The following GNAZ variants were observed in gnomAD, a reference collection of about 807,000 sequenced individuals.
GNAZ encodes G protein subunit alpha z.
GNAZ carries 3 observed loss-of-function variants against 25.4 expected under a neutral mutation model. The observed-to-expected ratio is 0.12, with a 90% CI of 0.05 to 0.30. The LOEUF (loss-of-function observed/expected upper bound fraction) is 0.30, where lower values mean the gene tolerates loss of function less well. GNAZ is among the 10% of genes least tolerant of loss of function. The pLI is 1.00. For missense variants in GNAZ, 241 were observed against 501.8 expected (o/e 0.48, Z 4.97); for synonymous variants, 211 against 205.7 (o/e 1.03, Z -0.22).
At chr22:23,081,256 CGCAAGGTGTGCTGTGGTTTAA>C (rs1305190554) in intron 1 of GNAZ, among the ~76,000 whole-genome samples, 10 of 152,128 alleles carry the variant, frequency 6.6e-5, no homozygotes, top group Admixed American at 6.6e-4. Flanking sequence ...CGAGATGTCA[CGCAAGGTGTGCTGTGGTTTAA>C]GCAAGAAGTG....
chr22:23,097,754 C>A (rs2069169541), intron 2 of GNAZ, among the ~76,000 whole-genome samples: 1 of 152,256 alleles, frequency 6.6e-6, no homozygotes, highest in African/African-American at 2.4e-5. Context: ...TGAGGCATGG[C>A]CGTGGGCAGA....
intron 2 of GNAZ, among the ~76,000 whole-genome samples, chr22:23,109,575 C>T (rs1285102074): frequency 6.6e-6 from 1 of 152,124 alleles, no homozygotes; most frequent in Non-Finnish European, 1.5e-5. Context: ...GGAGGATGAA[C>T]CAGTGTGGAG....
rs1009181986 is a variant in GNAZ, at chr22:23,095,120, G to A, written c.-449-127G>A. On this transcript the variant is annotated intron_variant, in intron 1 of 2. Transcript: ENST00000615612. ...CCCCATGGAGGAGAGGGGGTTGGAT[G>A]GATTGTTGCCGGCTCATTTTCCAAG... The A allele has an allele frequency of 4.4e-5, 7 of 159,400 alleles. No homozygotes were observed. In the South Asian group the frequency reaches 1.4e-3, roughly 31 times the overall value. 9.9% of individuals were successfully genotyped at this position (159,400 alleles called of 1,614,324 possible).
At chr22:23,088,018 G>C (rs1311989422) in intron 1 of GNAZ, among the ~76,000 whole-genome samples, 1 of 152,198 alleles carries the variant, frequency 6.6e-6, no homozygotes. Context: ...TACCGTCTTT[G>C]TTTAAACTAT....
chr22:23,103,388 T>C (rs981852994), intron 2 of GNAZ, among the ~76,000 whole-genome samples: 6 of 152,122 alleles, frequency 3.9e-5, no homozygotes, highest in African/African-American at 1.4e-4. Flanking sequence ...GCTCAGTCAC[T>C]GGTGTATGGC....
At chr22:23,104,652 G>A (rs1175946047) in intron 2 of GNAZ, among the ~76,000 whole-genome samples, 1 of 152,210 alleles carries the variant, frequency 6.6e-6, no homozygotes, top group African/African-American at 2.4e-5. Flanking sequence ...AGACTCCAAG[G>A]TGGAGGCTAA....
intron 2 of GNAZ, among the ~76,000 whole-genome samples, chr22:23,120,882 G>A (rs552832761): frequency 1.3e-5 from 2 of 152,278 alleles, no homozygotes; most frequent in Admixed American, 6.5e-5. Flanking sequence ...TTAATAATAC[G>A]TGCTAATGGT....
chr22:23,082,134 AC>A (rs1164987673), intron 1 of GNAZ, among the ~76,000 whole-genome samples: 21 of 119,396 alleles, frequency 1.8e-4, no homozygotes, highest in African/African-American at 6.1e-4. Context: ...CAAAAAAAAA[AC>A]AAAAAAAAAA....
chr22:23,116,115 G>T (rs1162013504), intron 2 of GNAZ, among the ~76,000 whole-genome samples: 1 of 152,266 alleles, frequency 6.6e-6, no homozygotes, highest in Non-Finnish European at 1.5e-5. Flanking sequence ...ACGTCTGTGT[G>T]TGCGTTTGCC....
intron 1 of GNAZ, among the ~76,000 whole-genome samples, chr22:23,081,724 AG>A (rs770332089): frequency 1.3e-4 from 20 of 149,006 alleles, no homozygotes; most frequent in Non-Finnish European, 2.2e-4. Flanking sequence ...TGGGAGGCTG[AG>A]GCAGGAGAAT....
In GNAZ at chr22:23,123,870, C is replaced by T. The variant is rs147038488; in HGVS notation, c.*439C>T. 112 of 218,428 alleles carry T rather than the reference C, an allele frequency of 5.1e-4. No homozygotes were observed. The highest frequency in any genetic ancestry group is 4.5e-3 in the East Asian group (41 of 9,064). The allele number at this position is 218,428 out of a possible 1,614,324, so 13.5% of individuals were successfully genotyped here. ...CCTGGAGGAGGGCCAGCTCGCTGCC[C>T]GAGCTCTGGCCTAGGGACCTTGCCG... On this transcript the variant is annotated 3_prime_UTR_variant, in exon 3 of 3. Coordinates refer to ENST00000615612, the MANE Select transcript of GNAZ (RefSeq NM_002073.4).
intron 2 of GNAZ, among the ~76,000 whole-genome samples, chr22:23,102,608 C>A (rs1202652988): frequency 1.3e-5 from 2 of 152,226 alleles, no homozygotes; most frequent in Non-Finnish European, 2.9e-5. Flanking sequence ...GGGCTGCCCC[C>A]ACACCTGCTC....
chr22:23,116,373 C>T (rs759664023), intron 2 of GNAZ, among the ~76,000 whole-genome samples: 1 of 152,234 alleles, frequency 6.6e-6, no homozygotes, highest in Non-Finnish European at 1.5e-5. Context: ...GAGGGGATGA[C>T]GTGGCTACGC....
chr22:23,104,048 T>C (rs2069384907), intron 2 of GNAZ, among the ~76,000 whole-genome samples: 1 of 151,114 alleles, frequency 6.6e-6, no homozygotes, highest in South Asian at 2.1e-4. Context: ...CCTGCACAGA[T>C]TGGGATGAAC....
intron 2 of GNAZ, among the ~76,000 whole-genome samples, chr22:23,111,374 C>G (rs960107916): frequency 6.6e-6 from 1 of 152,194 alleles, no homozygotes; most frequent in Non-Finnish European, 1.5e-5. Context: ...GCACTGGACT[C>G]GGTTCCGCCT....
chr22:23,121,717 T>C (rs2070029670), intron 2 of GNAZ, among the ~76,000 whole-genome samples: 1 of 139,620 alleles, frequency 7.2e-6, no homozygotes, highest in Non-Finnish European at 1.5e-5. Flanking sequence ...GTCAGAAAAG[T>C]TCCTTTTTTT....
chr22:23,113,447 T>C (rs188035919), intron 2 of GNAZ, among the ~76,000 whole-genome samples: 32 of 152,352 alleles, frequency 2.1e-4, no homozygotes, highest in African/African-American at 7.0e-4. Flanking sequence ...TGAGGGTAGA[T>C]GTAGGCCAAG....
At chr22:23,070,683 C>G (rs1479466010) in intron 1 of GNAZ, 113 bp downstream of exon 1, 1 of 152,030 alleles carries the variant, frequency 6.6e-6, no homozygotes, top group Admixed American at 6.5e-5. Flanking sequence ...CTTTGTGCCC[C>G]GGATCCGCCA....
At chr22:23,097,400 G>A (rs2069156595) in intron 2 of GNAZ, among the ~76,000 whole-genome samples, 1 of 152,232 alleles carries the variant, frequency 6.6e-6, no homozygotes, top group Non-Finnish European at 1.5e-5. Flanking sequence ...AACCTGGACA[G>A]CTCTAGGCAG....
Sources: gnomAD v4.1 joint callset for allele counts (sites outside exome capture counted in the v4.1 genomes callset) on GRCh38, gnomAD v4.1.1 for gene constraint, MANE v1.5 for transcripts, NCBI Gene and HGNC (gene_info 2026-07-23, HGNC 2026-07-21) for gene names.